The following PTPRD variants were observed in gnomAD, a reference collection of about 807,000 sequenced individuals.
The protein encoded by PTPRD is protein tyrosine phosphatase receptor type D.
In PTPRD, 34 loss-of-function variants were observed where a neutral mutation model predicts 214.5. The ratio of observed to expected loss-of-function variants is 0.16; its 90% confidence interval spans 0.12 to 0.21. The LOEUF (loss-of-function observed/expected upper bound fraction) is 0.21, where lower values mean the gene tolerates loss of function less well. PTPRD is among the 10% of genes least tolerant of loss of function. PTPRD has a pLI of 1.00. For missense variants in PTPRD, 2,545 were observed against 2,398.7 expected (o/e 1.06, Z -1.27); for synonymous variants, 1,128 against 845.7 (o/e 1.33, Z -5.79).
intron 4 of PTPRD, among the ~76,000 whole-genome samples, chr9:10,026,446 T>A (rs534014316): frequency 6.6e-6 from 1 of 152,202 alleles, no homozygotes; most frequent in Non-Finnish European, 1.5e-5. Context: ...TAAAAATTAC[T>A]AGAAAAGTCA....
At chr9:9,046,537 T>C (rs2099672598) in intron 10 of PTPRD, among the ~76,000 whole-genome samples, 1 of 152,206 alleles carries the variant, frequency 6.6e-6, no homozygotes, top group African/African-American at 2.4e-5. Flanking sequence ...GCACATTTTG[T>C]TACTAACGTC....
intron 2 of PTPRD, among the ~76,000 whole-genome samples, chr9:10,350,407 C>A (rs2097162074): frequency 6.6e-6 from 1 of 151,960 alleles, no homozygotes; most frequent in Non-Finnish European, 1.5e-5. Context: ...TAGGGTGGCT[C>A]ACTTAATCTT....
chr9:10,318,055 T>C (rs147681550), intron 3 of PTPRD, among the ~76,000 whole-genome samples: 15 of 152,150 alleles, frequency 9.9e-5, no homozygotes, highest in East Asian at 7.8e-4. Context: ...GCTACGTTTT[T>C]TCCCCTAGTA....
At chr9:9,855,763 T>C (rs2061437291) in intron 5 of PTPRD, among the ~76,000 whole-genome samples, 1 of 152,132 alleles carries the variant, frequency 6.6e-6, no homozygotes, top group African/African-American at 2.4e-5. Flanking sequence ...GCAAACTTTG[T>C]GCGGGCCCCA....
chr9:9,583,037 T>C (rs2091174779), intron 7 of PTPRD, among the ~76,000 whole-genome samples: 1 of 152,026 alleles, frequency 6.6e-6, no homozygotes, highest in Non-Finnish European at 1.5e-5. Flanking sequence ...TGCCAATAAA[T>C]AGTATAGGCT....
chr9:10,464,445 A>T (rs571627391), intron 2 of PTPRD, among the ~76,000 whole-genome samples: 1 of 151,552 alleles, frequency 6.6e-6, no homozygotes, highest in East Asian at 2.0e-4. Flanking sequence ...AGAGGAAAGG[A>T]GGAAAGGAGG....
chr9:8,864,365 C>G (rs2098159221), intron 11 of PTPRD, among the ~76,000 whole-genome samples: 1 of 152,182 alleles, frequency 6.6e-6, no homozygotes, highest in Non-Finnish European at 1.5e-5. Context: ...GACTCACAAT[C>G]CACTACTCTA....
At position 9,444,877 on chromosome 9, in the gene PTPRD, G is replaced by T. The variant is rs368744694; in HGVS notation, c.-236-47395C>A. Among the ~76,000 whole-genome samples the T allele has an allele frequency of 1.5e-4, 23 of 152,190 alleles. No homozygotes were observed. The South Asian group carries it at 4.8e-3, about 32-fold the overall frequency. ...TCATTTAAAGAATACATGCCTACTTGCAAGTTAAATGTAAATTGACCCTAC... is the reference window on the plus strand; with the variant it reads ...TCATTTAAAGAATACATGCCTACTTTCAAGTTAAATGTAAATTGACCCTAC... On this transcript the variant is annotated intron_variant, in intron 8 of 45. Coordinates refer to ENST00000381196, the MANE Select transcript of PTPRD (RefSeq NM_002839.4).
intron 4 of PTPRD, among the ~76,000 whole-genome samples, chr9:9,978,362 GA>G (rs1158744007): frequency 2.0e-5 from 3 of 151,720 alleles, no homozygotes; most frequent in Non-Finnish European, 4.4e-5. Context: ...AAATCTATAA[GA>G]AAAATTAAAA....
intron 5 of PTPRD, among the ~76,000 whole-genome samples, chr9:9,811,982 C>T (rs2047287735): frequency 6.6e-6 from 1 of 152,150 alleles, no homozygotes; most frequent in Non-Finnish European, 1.5e-5. Flanking sequence ...AATGCACCAG[C>T]TACTTCCACC....
At chr9:8,448,002 G>T (rs1334314746) in intron 34 of PTPRD, among the ~76,000 whole-genome samples, 1 of 152,048 alleles carries the variant, frequency 6.6e-6, no homozygotes, top group African/African-American at 2.4e-5. Context: ...AAATTGAAAG[G>T]AATATAAATT....
intron 8 of PTPRD, among the ~76,000 whole-genome samples, chr9:9,504,232 T>C (rs1350189754): frequency 6.6e-6 from 1 of 151,794 alleles, no homozygotes; most frequent in African/African-American, 2.4e-5. Flanking sequence ...GATTTTGTAG[T>C]ACTTTCTAAG....
At chr9:8,596,586 G>A (rs1419346065) in intron 14 of PTPRD, among the ~76,000 whole-genome samples, 1 of 151,828 alleles carries the variant, frequency 6.6e-6, no homozygotes, top group Non-Finnish European at 1.5e-5. Flanking sequence ...AAACAAGACT[G>A]GTTTCAATAT....
intron 7 of PTPRD, among the ~76,000 whole-genome samples, chr9:9,647,279 A>G (rs537976794): frequency 6.6e-6 from 1 of 152,304 alleles, no homozygotes; most frequent in African/African-American, 2.4e-5. Flanking sequence ...AAAAAATTAA[A>G]GACAATTTAT....
intron 9 of PTPRD, among the ~76,000 whole-genome samples, chr9:9,387,006 C>T (rs2064097326): frequency 6.6e-6 from 1 of 152,168 alleles, no homozygotes; most frequent in African/African-American, 2.4e-5. Flanking sequence ...AATAACATAA[C>T]TTATTTAACG....
At chr9:9,528,938 C>CTTTT (rs112564567) in intron 8 of PTPRD, among the ~76,000 whole-genome samples, 4 of 136,692 alleles carry the variant, frequency 2.9e-5, no homozygotes, top group Non-Finnish European at 4.7e-5. Context: ...TTGTTTGTTT[C>CTTTT]TTTTTTTTTT....
chr9:10,405,269 G>T (rs2098335038), intron 2 of PTPRD, among the ~76,000 whole-genome samples: 1 of 151,678 alleles, frequency 6.6e-6, no homozygotes, highest in African/African-American at 2.4e-5. Flanking sequence ...AAGCTACCAT[G>T]CATCTTGGTT....
At chr9:8,447,469 G>C (rs1041412757) in intron 34 of PTPRD, among the ~76,000 whole-genome samples, 1 of 152,034 alleles carries the variant, frequency 6.6e-6, no homozygotes, top group Non-Finnish European at 1.5e-5. Context: ...CAAATACATT[G>C]GGAAAATTAA....
intron 3 of PTPRD, among the ~76,000 whole-genome samples, chr9:10,070,652 A>G (rs1313399459): frequency 6.6e-6 from 1 of 152,082 alleles, no homozygotes; most frequent in African/African-American, 2.4e-5. Flanking sequence ...TAATAACAGA[A>G]GTATTTAATC....
Sources: gnomAD v4.1 joint callset for allele counts (sites outside exome capture counted in the v4.1 genomes callset) on GRCh38, gnomAD v4.1.1 for gene constraint, MANE v1.5 for transcripts, NCBI Gene and HGNC (gene_info 2026-07-23, HGNC 2026-07-21) for gene names.